The following CNBD1 variants were observed in gnomAD, a reference collection of about 807,000 sequenced individuals.
CNBD1 encodes the protein cyclic nucleotide-binding domain-containing protein 1.
A neutral mutation model predicts 54.4 loss-of-function variants in CNBD1; 71 were observed. The observed-to-expected ratio is 1.30, with a 90% CI of 1.08 to 1.59. The LOEUF is 1.59. CNBD1 is among the 40% of genes most tolerant of loss of function. The pLI, the probability that CNBD1 is intolerant of heterozygous loss-of-function variation, is 0.00. For missense variants in CNBD1, 659 were observed against 518.0 expected (o/e 1.27, Z -2.64); for synonymous variants, 182 against 170.7 (o/e 1.07, Z -0.51).
At chr8:87,067,006 ACTT>A (rs1242003071) in intron 4 of CNBD1, among the ~76,000 whole-genome samples, 1 of 151,916 alleles carries the variant, frequency 6.6e-6, no homozygotes, top group Non-Finnish European at 1.5e-5. Context: ...TTTCACAACT[ACTT>A]CATTAATACA....
chr8:87,174,089 G>T (rs1813148424), intron 4 of CNBD1, among the ~76,000 whole-genome samples: 2 of 151,950 alleles, frequency 1.3e-5, no homozygotes, highest in Non-Finnish European at 2.9e-5. Context: ...CTCCCGAGTG[G>T]CTGGGACTAT....
intron 6 of CNBD1, among the ~76,000 whole-genome samples, chr8:87,281,577 T>G (rs1165025779): frequency 8.4e-5 from 8 of 95,092 alleles, no homozygotes; most frequent in East Asian, 2.8e-4. Flanking sequence ...TATATATATA[T>G]ATATATATAT....
intron 4 of CNBD1, among the ~76,000 whole-genome samples, chr8:87,094,911 C>A (rs1811286911): frequency 6.6e-6 from 1 of 152,204 alleles, no homozygotes; most frequent in South Asian, 2.1e-4. Flanking sequence ...TGGTGAAAGT[C>A]ACCTGTAATC....
chr8:87,388,057 C>T (rs758842305), intron 2 of CNBD1, among the ~76,000 whole-genome samples: 25 of 151,958 alleles, frequency 1.6e-4, no homozygotes, highest in Non-Finnish European at 2.6e-4. Flanking sequence ...TTGAAACAAA[C>T]GAGAACAAGG....
At chr8:86,966,977 T>C (rs1308968518) in intron 4 of CNBD1, among the ~76,000 whole-genome samples, 2 of 152,194 alleles carry the variant, frequency 1.3e-5, no homozygotes, top group East Asian at 3.9e-4. Flanking sequence ...TGGTCCGTTT[T>C]ACAGAGTGCT....
chr8:87,001,150 T>A (rs569888844), intron 4 of CNBD1, among the ~76,000 whole-genome samples: 5 of 152,248 alleles, frequency 3.3e-5, no homozygotes, highest in African/African-American at 1.2e-4. Context: ...GTGTCATTAT[T>A]CATTTTTTAC....
intron 6 of CNBD1, among the ~76,000 whole-genome samples, chr8:87,241,683 A>G (rs13250631): frequency 0.62 from 94,893 of 151,994 alleles, 29,950 homozygotes; most frequent in Middle Eastern, 0.68. Context: ...GAGATTACAA[A>G]GGCAGGGAAT....
At chr8:86,900,657 A>G (rs1346980344) in intron 2 of CNBD1, among the ~76,000 whole-genome samples, 1 of 152,178 alleles carries the variant, frequency 6.6e-6, no homozygotes, top group African/African-American at 2.4e-5. Context: ...TCCTAAAGAT[A>G]GGAAGTCCTT....
intron 4 of CNBD1, among the ~76,000 whole-genome samples, chr8:87,083,459 CT>C (rs1811035816): frequency 6.6e-6 from 1 of 152,054 alleles, no homozygotes. Context: ...TATTTCCTTT[CT>C]ATTGATCCCA....
rs940896024 is a variant in CNBD1 at position 87,134,117 on chromosome 8, A to G, written c.432-71876A>G. 3.9e-5 allele frequency among the ~76,000 whole-genome samples: 6 copies of G among 152,334 alleles called. No individual in the cohort carries two copies. In the East Asian group the frequency reaches 1.2e-3, roughly 29 times the overall value. On this transcript the variant is annotated intron_variant, in intron 4 of 10. Transcript: ENST00000518476. ...AATGTGTTCATAAAACATATTGGAAAAGGGCTACTAACTGTGCAATTTAGT... is the reference window on the plus strand; with the variant it reads ...AATGTGTTCATAAAACATATTGGAAGAGGGCTACTAACTGTGCAATTTAGT...
chr8:86,892,337 G>T (rs1326474746), intron 2 of CNBD1, among the ~76,000 whole-genome samples: 1 of 151,990 alleles, frequency 6.6e-6, no homozygotes, highest in Non-Finnish European at 1.5e-5. Flanking sequence ...ACAGCTTTTA[G>T]CCCAAAGTCC....
At chr8:87,148,074 A>T (rs1812527276) in intron 4 of CNBD1, among the ~76,000 whole-genome samples, 1 of 152,192 alleles carries the variant, frequency 6.6e-6, no homozygotes, top group African/African-American at 2.4e-5. Context: ...CAAATAGGAG[A>T]TATTCATATA....
At chr8:87,333,368 C>A (rs1275051462) in intron 8 of CNBD1, among the ~76,000 whole-genome samples, 1 of 152,076 alleles carries the variant, frequency 6.6e-6, no homozygotes, top group Non-Finnish European at 1.5e-5. Context: ...TCCTTTATTT[C>A]TTTCTCTTGC....
At chr8:87,098,628 G>T (rs1417071261) in intron 4 of CNBD1, among the ~76,000 whole-genome samples, 1 of 151,288 alleles carries the variant, frequency 6.6e-6, no homozygotes, top group Non-Finnish European at 1.5e-5. Context: ...TATATCCAAA[G>T]ATCAAACAGA....
intron 3 of CNBD1, among the ~76,000 whole-genome samples, chr8:86,911,867 A>G (rs1053597364): frequency 1.3e-5 from 2 of 152,132 alleles, no homozygotes; most frequent in African/African-American, 2.4e-5. Flanking sequence ...TTTACAATAG[A>G]CACAAAAATT....
chr8:87,351,908 A>T, intron 9 of CNBD1, 114 bp downstream of exon 9: 1 of 1,138,978 alleles, frequency 8.8e-7, no homozygotes, highest in Non-Finnish European at 1.1e-6. Flanking sequence ...TGAAATTTCT[A>T]TTCAATTTTT....
intron 6 of CNBD1, among the ~76,000 whole-genome samples, chr8:87,270,347 C>T (rs996142620): frequency 2.0e-5 from 3 of 151,704 alleles, no homozygotes; most frequent in East Asian, 1.9e-4. Context: ...ATGTGGCCAA[C>T]AAGCATATGA....
At chr8:87,036,594 T>TGAAAAA (rs762075391) in intron 4 of CNBD1, among the ~76,000 whole-genome samples, 1 of 64,744 alleles carries the variant, frequency 1.5e-5, no homozygotes, top group African/African-American at 6.0e-5. Flanking sequence ...ACTGCATCTC[T>TGAAAAA]AAAAAAAAAA....
At chr8:87,230,556 AC>A (rs144577444) in intron 5 of CNBD1, among the ~76,000 whole-genome samples, 8,067 of 152,202 alleles carry the variant, frequency 0.053, 693 homozygotes, top group African/African-American at 0.17. Context: ...AAATTAATGT[AC>A]TTTGTAACTT....
Sources: gnomAD v4.1 joint callset for allele counts (sites outside exome capture counted in the v4.1 genomes callset) on GRCh38, gnomAD v4.1.1 for gene constraint, MANE v1.5 for transcripts, NCBI Gene and HGNC (gene_info 2026-07-23, HGNC 2026-07-21) for gene names.